DST: variants seen among roughly 807,000 people sequenced by gnomAD.
The protein encoded by DST is dystonin, also known as bullous pemphigoid antigen.
Under a neutral mutation model 875.2 loss-of-function variants are expected in DST, and 253 were observed. The ratio of observed to expected loss-of-function variants is 0.29; its 90% CI spans 0.26 to 0.32. The LOEUF is 0.32. DST is among the 10% of genes least tolerant of loss of function. The probability of loss-of-function intolerance (pLI) is 1.00; values close to 1 mark genes in which losing one functional copy is unlikely to be tolerated. For missense variants in DST, 8,287 were observed against 9,111.6 expected (o/e 0.91, Z 3.68); for synonymous variants, 3,124 against 3,197.1 (o/e 0.98, Z 0.77).
At chr6:56,937,478 T>C (rs993081801) in intron 2 of DST, among the ~76,000 whole-genome samples, 3 of 152,204 alleles carry the variant, frequency 2.0e-5, no homozygotes, top group East Asian at 1.9e-4. Context: ...ACATATCCAA[T>C]AGAATAGCTA....
At chr6:56,720,939 G>T (rs868227930) in intron 5 of DST, among the ~76,000 whole-genome samples, 1 of 152,108 alleles carries the variant, frequency 6.6e-6, no homozygotes, top group African/African-American at 2.4e-5. Flanking sequence ...CCAGGCAGAG[G>T]GGCCCCCCAC....
chr6:56,825,356 C>T (rs1219989838), intron 4 of DST, among the ~76,000 whole-genome samples: 3 of 149,418 alleles, frequency 2.0e-5, no homozygotes, highest in Non-Finnish European at 3.0e-5. Flanking sequence ...GGGACACAAA[C>T]ACTGCAGAAG....
chr6:56,511,679 G>A (rs1174116766), intron 72 of DST, among the ~76,000 whole-genome samples: 1 of 152,138 alleles, frequency 6.6e-6, no homozygotes, highest in Non-Finnish European at 1.5e-5. Flanking sequence ...CTCATACCAA[G>A]AGTAGCACAT....
intron 3 of DST, among the ~76,000 whole-genome samples, chr6:56,881,257 G>A (rs1167485774): frequency 2.0e-5 from 3 of 152,118 alleles, no homozygotes; most frequent in Non-Finnish European, 4.4e-5. Flanking sequence ...GGCAGATCAC[G>A]AGGTCAGGAT....
rs1319266727 is a variant in DST at position 56,471,170 on chromosome 6, TCTC to T, written c.22254_22256del (p.Arg7419del). ...TTTTCCCATCCTGGTCTTTATCAAT[TCTC>T]CTGAAGAAGTCCATCACTCGAGATT... is the stretch of plus-strand genomic sequence containing the variant. On this transcript the variant is annotated inframe_deletion, in exon 95 of 104. Coordinates refer to ENST00000680361, the MANE Select transcript of DST (RefSeq NM_001374736.1). 1 of 1,609,552 alleles carries T rather than the reference TCTC, an allele frequency of 6.2e-7. No individual in the cohort carries two copies. The highest frequency in any genetic ancestry group is 1.3e-5 in the African/African-American group (1 of 74,820).
At chr6:56,620,215 T>A (rs751279602) in intron 36 of DST, 1 of 1,613,788 alleles carries the variant, frequency 6.2e-7, no homozygotes, top group Non-Finnish European at 8.5e-7. Flanking sequence ...ATTCTTCCAT[T>A]AATTTATTTT....
At chr6:56,692,043 G>T (rs1233928199) in intron 9 of DST, among the ~76,000 whole-genome samples, 3 of 152,104 alleles carry the variant, frequency 2.0e-5, no homozygotes, top group Admixed American at 6.6e-5. Context: ...TTTACCTACA[G>T]TCCAACTAAG....
At position 56,542,922 on chromosome 6, in the gene DST, G is replaced by C. The variant is rs1031553095; in HGVS notation, c.16609-5982C>G. The C allele has an allele frequency of 2.0e-5, 3 of 152,300 alleles. No homozygotes were observed. The South Asian group carries it at 6.2e-4, about 32-fold the overall frequency. The allele number at this position is 152,300 out of a possible 1,614,324, so 9.4% of individuals were successfully genotyped here. On this transcript the variant is annotated intron_variant, in intron 61 of 103. Coordinates refer to ENST00000680361, the MANE Select transcript of DST (RefSeq NM_001374736.1). Reference sequence around the variant, plus strand: ...ATCTTTCGCTTCTTCCCGGGAGTCGGCGAGCGGTTTCAGTGGGAGGTACCT... The same window carrying C: ...ATCTTTCGCTTCTTCCCGGGAGTCGCCGAGCGGTTTCAGTGGGAGGTACCT...
intron 3 of DST, among the ~76,000 whole-genome samples, chr6:56,857,310 G>C (rs556558101): frequency 6.6e-5 from 10 of 152,252 alleles, no homozygotes; most frequent in African/African-American, 2.2e-4. Flanking sequence ...GAGCCATTGC[G>C]CACAGCCCAT....
At chr6:56,776,836 G>T (rs956596149) in intron 4 of DST, among the ~76,000 whole-genome samples, 1 of 152,050 alleles carries the variant, frequency 6.6e-6, no homozygotes, top group Non-Finnish European at 1.5e-5. Flanking sequence ...CACATCCAGA[G>T]ATTTTATTTT....
At position 56,609,254 on chromosome 6, in the gene DST, C is replaced by G; in HGVS notation, c.5374G>C (p.Asp1792His). 1 of 1,613,634 alleles carries G rather than the reference C, an allele frequency of 6.2e-7. No homozygotes were observed. Among genetic ancestry groups the G allele is most frequent in the Non-Finnish European group, 8.5e-7 (1 of 1,179,692 alleles). ...GTCTCAAGCAACCTAATTCCTGTGTCATAGTCAATGAGGCCTCTTAAAACT... is the reference window on the plus strand; with the variant it reads ...GTCTCAAGCAACCTAATTCCTGTGTGATAGTCAATGAGGCCTCTTAAAACT... ...QAVLRGLIDY[D>H]TGIRLLETQL... The change falls in exon 40 of 104, where the codon GAC (aspartate) becomes CAC (histidine). Residue 1792 changes from aspartate to histidine, a missense_variant. Coordinates refer to ENST00000680361, the MANE Select transcript of DST (RefSeq NM_001374736.1).
intron 4 of DST, among the ~76,000 whole-genome samples, chr6:56,837,129 A>T (rs1032452817): frequency 4.6e-5 from 7 of 152,260 alleles, no homozygotes; most frequent in Non-Finnish European, 8.8e-5. Context: ...CCAGTTTTCT[A>T]GGGCACACTA....
Position 56,562,186 on chromosome 6 carries a change from T to G in DST, c.14020A>C (p.Asn4674His). 6.4e-7 allele frequency: 1 copy of G among 1,550,978 alleles called. No individual in the cohort carries two copies. The highest frequency in any genetic ancestry group is 8.7e-7 in the Non-Finnish European group (1 of 1,146,992). The change falls in exon 56 of 104, where the codon AAT (asparagine) becomes CAT (histidine). Residue 4674 changes from asparagine to histidine, a missense_variant. By Grantham distance (68) the Asn-to-His change is moderately conservative (BLOSUM62 1). Coordinates refer to ENST00000680361, the MANE Select transcript of DST (RefSeq NM_001374736.1). ...GTATTTGTGGCTGTTCCTTCACCATTTAATACTGCTCCACCTGCAAAAATA... is the reference window on the plus strand; with the variant it reads ...GTATTTGTGGCTGTTCCTTCACCATGTAATACTGCTCCACCTGCAAAAATA... Reference protein sequence around the residue: ...AAVKSGGAVLNGEGTATNTEE... With the variant: ...AAVKSGGAVLHGEGTATNTEE...
Position 56,615,618 on chromosome 6 carries a change from C to T in DST, c.4930-1134G>A, listed in dbSNP as rs369056574. 1 of 1,614,092 alleles carries T rather than the reference C, an allele frequency of 6.2e-7. No homozygotes were observed. Among genetic ancestry groups the T allele is most frequent in the Non-Finnish European group, 8.5e-7 (1 of 1,179,992 alleles). On this transcript the variant is annotated intron_variant, in intron 36 of 103. Transcript: ENST00000680361. ...AAATCAAAATCAGCTTTTTCTAAGG[C>T]TTCTTTATATGTCAACTTTCTTTTT...
At chr6:56,637,751 T>C (rs551960698) in intron 22 of DST, among the ~76,000 whole-genome samples, 9 of 152,210 alleles carry the variant, frequency 5.9e-5, no homozygotes, top group Middle Eastern at 3.4e-3. Flanking sequence ...GTGCAATTCA[T>C]TGATTTCCAG....
intron 67 of DST, among the ~76,000 whole-genome samples, chr6:56,528,325 G>C (rs965058527): frequency 6.6e-6 from 1 of 152,164 alleles, no homozygotes; most frequent in African/African-American, 2.4e-5. Flanking sequence ...TAGGTATAGT[G>C]AAATTCCTAT....
At chr6:56,784,736 T>G (rs1259421614) in intron 4 of DST, among the ~76,000 whole-genome samples, 1 of 152,246 alleles carries the variant, frequency 6.6e-6, no homozygotes, top group Non-Finnish European at 1.5e-5. Context: ...GTCAAAGTCA[T>G]TCTCCATCCA....
intron 3 of DST, among the ~76,000 whole-genome samples, chr6:56,869,997 T>C (rs1344205053): frequency 6.6e-6 from 1 of 152,146 alleles, no homozygotes; most frequent in East Asian, 1.9e-4. Flanking sequence ...GAGATTTTTT[T>C]TTTTAGATTT....
At chr6:56,655,080 G>C (rs2098999429) in intron 10 of DST, among the ~76,000 whole-genome samples, 1 of 149,688 alleles carries the variant, frequency 6.7e-6, no homozygotes, top group Admixed American at 6.7e-5. Flanking sequence ...AGAATCACTG[G>C]AACCCAGGAG....
Sources: gnomAD v4.1 joint callset for allele counts (sites outside exome capture counted in the v4.1 genomes callset) on GRCh38, gnomAD v4.1.1 for gene constraint, MANE v1.5 for transcripts, NCBI Gene and HGNC (gene_info 2026-07-23, HGNC 2026-07-21) for gene names.